The following FXYD7 variants were observed in gnomAD, a reference collection of about 807,000 sequenced individuals.
FXYD7 encodes FXYD domain-containing ion transport regulator 7.
FXYD7 carries 7 observed loss-of-function variants against 15.3 expected under a neutral mutation model. The observed-to-expected ratio is 0.46, with a 90% CI of 0.26 to 0.86. FXYD7 has a LOEUF of 0.86. FXYD7 is among the 40% of genes least tolerant of loss of function. The pLI is 0.16. For missense variants in FXYD7, 78 were observed against 100.6 expected (o/e 0.78, Z 0.96); for synonymous variants, 39 against 39.3 (o/e 0.99, Z 0.03).
intron 1 of FXYD7, among the ~76,000 whole-genome samples, chr19:35,148,097 G>GAA (rs1568405928): frequency 1.2e-4 from 12 of 101,458 alleles, no homozygotes; most frequent in African/African-American, 4.0e-4. Context: ...GAAAGAAAGA[G>GAA]AGAGAGAAAG....
At chr19:35,151,365 G>T (rs374107372) in intron 3 of FXYD7, 37 bp downstream of exon 3, 4 of 1,595,810 alleles carry the variant, frequency 2.5e-6, no homozygotes, top group Non-Finnish European at 3.4e-6. Context: ...CTCAGCCTCC[G>T]CTTCCTCTGC....
In FXYD7 at chr19:35,151,824, G is replaced by A. The variant is rs116812496; in HGVS notation, c.220+151G>A. On this transcript the variant is annotated intron_variant, in intron 5 of 5. Coordinates refer to ENST00000270310, the MANE Select transcript of FXYD7 (RefSeq NM_022006.2). ...TCACAGGACAATTCCCTAGGAAGCT[G>A]AGGAAATTCCGCAGATGAAAGATGC... The A allele has an allele frequency of 1.7e-3, 1,187 of 708,910 alleles. 10 individuals carry two copies. The African/African-American group carries it at 0.019, about 11-fold the overall frequency. The allele number at this position is 708,910 out of a possible 1,614,324, so 43.9% of individuals were successfully genotyped here.
At chr19:35,144,310 C>A (rs1393474697) in intron 1 of FXYD7, among the ~76,000 whole-genome samples, 1 of 152,102 alleles carries the variant, frequency 6.6e-6, no homozygotes, top group African/African-American at 2.4e-5. Flanking sequence ...CACCTAGCTG[C>A]CCCTACTGCC....
At chr19:35,149,101 C>T (rs571683934) in intron 2 of FXYD7, 5 of 470,860 alleles carry the variant, frequency 1.1e-5, no homozygotes, top group African/African-American at 7.9e-5. Flanking sequence ...CCTCTCTGGG[C>T]CCTTCTGTAA....
rs116186123 is a variant in FXYD7 at position 35,148,932 on chromosome 19, C to G, written c.61+209C>G. On this transcript the variant is annotated intron_variant, in intron 2 of 5. Coordinates refer to ENST00000270310, the MANE Select transcript of FXYD7 (RefSeq NM_022006.2). ...GGGATGCCTCACACTCTCTCTGAGC[C>G]CCCTTCAGGTCTCACCGGGATCTGG... is the stretch of plus-strand genomic sequence containing the variant. The G allele has an allele frequency of 1.1e-3, 740 of 695,078 alleles. 4 individuals are homozygous for G. The African/African-American group carries it at 0.011, about 11-fold the overall frequency. 43.1% of individuals were successfully genotyped at this position (695,078 alleles called of 1,614,324 possible). A position where few individuals can be genotyped will look rare whatever the true frequency, so the allele number is the denominator to read the frequency against.
intron 1 of FXYD7, among the ~76,000 whole-genome samples, 162 bp from the exon 2 acceptor site, chr19:35,148,532 G>A (rs1321359991): frequency 1.3e-5 from 2 of 152,210 alleles, no homozygotes; most frequent in Non-Finnish European, 2.9e-5. Flanking sequence ...TTCCAGCCTT[G>A]CGGCCTGCCA....
chr19:35,151,423 T>C lies in FXYD7; in HGVS notation c.137-17T>C. 1 of 1,613,084 alleles carries C rather than the reference T, an allele frequency of 6.2e-7. No individual in the cohort carries two copies. The highest frequency in any genetic ancestry group is 8.5e-7 in the Non-Finnish European group (1 of 1,179,094). ...CGCTATGTCCTGTCTTCTTGTTCTG[T>C]CTCTCTCTCCCAACAGGCAAGAAGG... On this transcript the variant is annotated splice_polypyrimidine_tract_variant and intron_variant, in intron 3 of 5. Coordinates refer to ENST00000270310, the MANE Select transcript of FXYD7 (RefSeq NM_022006.2).
intron 1 of FXYD7, 137 bp from the exon 2 acceptor site, chr19:35,148,557 C>A: frequency 1.5e-5 from 11 of 721,838 alleles, no homozygotes; most frequent in Non-Finnish European, 2.4e-5. Flanking sequence ...GCCACATCAT[C>A]CAAACCAAGG....
At chr19:35,148,613 C>A in intron 1 of FXYD7, 81 bp from the exon 2 acceptor site, 1 of 1,199,912 alleles carries the variant, frequency 8.3e-7, no homozygotes. Context: ...CCAGTGGCTC[C>A]ATCTGGATCC....
Position 35,151,657 on chromosome 19 carries a change from T to C in FXYD7, c.204T>C (p.Ser68=), listed in dbSNP as rs903396388. ...SESPTCKSCK[S]ELPSSAPGGG... ...GCCCAACCTGCAAATCCTGTAAGTC[T>C]GAGCTTCCCTCTTCAGGTGAGGGTG... Residue 68 remains serine (S), a synonymous_variant, in exon 5 of 6, where the codon TCT becomes TCC. Transcript: ENST00000270310. 2 of 1,612,918 alleles carry C rather than the reference T, an allele frequency of 1.2e-6. No homozygotes were observed. The highest frequency in any genetic ancestry group is 1.3e-5 in the African/African-American group (1 of 74,856).
intron 1 of FXYD7, among the ~76,000 whole-genome samples, chr19:35,144,082 T>G: frequency 1.3e-5 from 2 of 149,762 alleles, no homozygotes. Flanking sequence ...GCCTGGGAGA[T>G]AGTGGGATTG....
rs2065277576 is a variant in FXYD7, at chr19:35,143,566, C to A, written c.31+202C>A. Among the ~76,000 whole-genome samples the A allele has an allele frequency of 6.6e-6, 1 of 152,230 alleles. No homozygotes were observed. Among genetic ancestry groups the A allele is most frequent in the Non-Finnish European group, 1.5e-5 (1 of 68,042 alleles). On this transcript the variant is annotated intron_variant, in intron 1 of 5. Coordinates refer to ENST00000270310, the MANE Select transcript of FXYD7 (RefSeq NM_022006.2). The surrounding 1 kb of genome is among the most constrained non-coding windows in gnomAD (Gnocchi z 4.3). Reference sequence around the variant, plus strand: ...GGGACACCCCCTCCCCGGCAGGCGTCCTGTGCCAGACCTGCGGTTGGAGAG... The same window carrying A: ...GGGACACCCCCTCCCCGGCAGGCGTACTGTGCCAGACCTGCGGTTGGAGAG...
At chr19:35,153,141 C>G (rs916284654) in intron 5 of FXYD7, among the ~76,000 whole-genome samples, 1 of 142,074 alleles carries the variant, frequency 7.0e-6, no homozygotes, top group African/African-American at 2.6e-5. Flanking sequence ...AACACTGCAA[C>G]CTCTGCGTCC....
intron 5 of FXYD7, among the ~76,000 whole-genome samples, chr19:35,152,409 G>A (rs932895718): frequency 2.6e-5 from 4 of 151,928 alleles, no homozygotes; most frequent in African/African-American, 7.3e-5. Context: ...GAGGAAGACG[G>A]GGAGAGGCTT....
rs1555737607 is a variant in FXYD7 at position 35,153,033 on chromosome 19, C to CTTTGT, written c.221-858_221-857insGTTTT. On this transcript the variant is annotated intron_variant, in intron 5 of 5. Coordinates refer to ENST00000270310, the MANE Select transcript of FXYD7 (RefSeq NM_022006.2). ...TTGGTGTGGAATTTGTTTCACGTTC[C>CTTTGT]TTTTTTTTTTTTTTTTTTTTTTTTT... is the stretch of plus-strand genomic sequence containing the variant. Among the ~76,000 whole-genome samples, 11 of 44,142 alleles carry CTTTGT rather than the reference C, an allele frequency of 2.5e-4. 2 individuals are homozygous for CTTTGT. Among genetic ancestry groups the CTTTGT allele is most frequent in the South Asian group, 8.9e-4 (1 of 1,120 alleles). The allele number at this position is 44,142 out of a possible 152,430, so 29.0% of individuals were successfully genotyped here. A position where few individuals can be genotyped will look rare whatever the true frequency, so the allele number is the denominator to read the frequency against.
intron 1 of FXYD7, among the ~76,000 whole-genome samples, chr19:35,145,936 C>A (rs2065287457): frequency 6.6e-6 from 1 of 151,094 alleles, no homozygotes; most frequent in Admixed American, 6.6e-5. Flanking sequence ...TTCTGCTACA[C>A]CCAGCTAATT....
At chr19:35,144,649 G>T (rs571004601) in intron 1 of FXYD7, among the ~76,000 whole-genome samples, 355 of 146,970 alleles carry the variant, frequency 2.4e-3, no homozygotes, top group Admixed American at 4.4e-3. Context: ...GGCGGGGGGT[G>T]GGGGGGGCTG....
At chr19:35,148,035 G>GA (rs1167073294) in intron 1 of FXYD7, among the ~76,000 whole-genome samples, 1 of 27,128 alleles carries the variant, frequency 3.7e-5, no homozygotes, top group South Asian at 1.4e-3. Context: ...AGGAAAGAAA[G>GA]AAAGAAAGAA....
In FXYD7 at chr19:35,151,494, G is replaced by C. The variant is rs1487930542; in HGVS notation, c.179+12G>C. The C allele has an allele frequency of 6.2e-7, 1 of 1,614,036 alleles. No individual in the cohort carries two copies. The highest frequency in any genetic ancestry group is 8.5e-7 in the Non-Finnish European group (1 of 1,179,882). Reference sequence around the variant, plus strand: ...TCCAGGTCTGAGAGGTCTGGCAGCAGTGGGCAAAGAGCGGGAGGGGGCCTC... The same window carrying C: ...TCCAGGTCTGAGAGGTCTGGCAGCACTGGGCAAAGAGCGGGAGGGGGCCTC... On this transcript the variant is annotated intron_variant, in intron 4 of 5. Transcript: ENST00000270310.
Sources: allele counts gnomAD v4.1 joint callset (sites outside exome capture counted in the v4.1 genomes callset), GRCh38; gene constraint gnomAD v4.1.1; non-coding constraint Gnocchi (gnomAD v3.1); transcripts MANE v1.5; gene names NCBI Gene and HGNC (gene_info 2026-07-23, HGNC 2026-07-21).